Variants in VPS13D observed in about 807,000 individuals in gnomAD.
The protein encoded by VPS13D is intermembrane lipid transfer protein VPS13D.
VPS13D carries 187 observed loss-of-function variants against 461.9 expected under a neutral mutation model. That is an observed-to-expected ratio of 0.40 (90% CI 0.36 to 0.46). The LOEUF is 0.46. Ranked by LOEUF, VPS13D falls within the 20% of genes least tolerant of loss-of-function variation. VPS13D has a pLI of 0.60. For missense variants in VPS13D, 4,711 were observed against 5,364.9 expected (o/e 0.88, Z 3.81); for synonymous variants, 1,951 against 1,986.3 (o/e 0.98, Z 0.47).
At chr1:12,374,862 C>G (rs1271529023) in intron 55 of VPS13D, among the ~76,000 whole-genome samples, 2 of 152,110 alleles carry the variant, frequency 1.3e-5, no homozygotes, top group East Asian at 1.9e-4. Flanking sequence ...CTCAGCCTCC[C>G]GAGTAGCTGG....
chr1:12,321,476 C>T (rs1424848180), intron 32 of VPS13D, among the ~76,000 whole-genome samples: 1 of 152,006 alleles, frequency 6.6e-6, no homozygotes, highest in East Asian at 1.9e-4. Flanking sequence ...CTTGGCTGCT[C>T]TTAATTTTTT....
chr1:12,294,226 ATATTT>A (rs370776216), intron 24 of VPS13D, among the ~76,000 whole-genome samples: 21 of 152,326 alleles, frequency 1.4e-4, no homozygotes, highest in Admixed American at 2.0e-4. Flanking sequence ...GGAAAGAATA[ATATTT>A]TATTTAATTC....
chr1:12,283,845 G>A, intron 21 of VPS13D, 109 bp downstream of exon 21: 1 of 1,170,562 alleles, frequency 8.5e-7, no homozygotes, highest in Non-Finnish European at 1.2e-6. Context: ...TTGTTGGCAG[G>A]GGAGCTATCT....
chr1:12,422,089 A>G lies in VPS13D; in HGVS notation c.12333+5262A>G, dbSNP rs149559996. Reference sequence around the variant, plus strand: ...AGTGATCTGCCCTCCTTGGCCTCCCAAAGTGCTGAGATTACACACTTGAGC... The same window carrying G: ...AGTGATCTGCCCTCCTTGGCCTCCCGAAGTGCTGAGATTACACACTTGAGC... On this transcript the variant is annotated intron_variant, in intron 65 of 69. Coordinates refer to ENST00000620676, the MANE Select transcript of VPS13D (RefSeq NM_015378.4). Among the ~76,000 whole-genome samples the G allele has an allele frequency of 4.5e-4, 69 of 152,292 alleles. No individual in the cohort carries two copies. In the East Asian group the frequency reaches 0.013, roughly 29 times the overall value.
At chr1:12,247,500 C>A (rs549116283) in intron 5 of VPS13D, among the ~76,000 whole-genome samples, 101 of 150,578 alleles carry the variant, frequency 6.7e-4, no homozygotes, top group Non-Finnish European at 4.1e-4. Flanking sequence ...TTAAAAAAAA[C>A]CCAAAAAAAA....
At chr1:12,403,232 C>G (rs1484303541) in intron 62 of VPS13D, among the ~76,000 whole-genome samples, 1 of 152,250 alleles carries the variant, frequency 6.6e-6, no homozygotes, top group African/African-American at 2.4e-5. Context: ...CCATGCTACT[C>G]CTGCTACTCC....
At chr1:12,443,673 A>AT (rs112055394) in intron 65 of VPS13D, among the ~76,000 whole-genome samples, 249 of 146,382 alleles carry the variant, frequency 1.7e-3, no homozygotes, top group African/African-American at 3.3e-3. Context: ...ACAAAACATG[A>AT]TTTTTTTTTT....
chr1:12,284,668 A>G (rs1398571281), intron 21 of VPS13D, among the ~76,000 whole-genome samples: 1 of 152,206 alleles, frequency 6.6e-6, no homozygotes, highest in East Asian at 1.9e-4. Flanking sequence ...TTCTTTATCC[A>G]CATGTCTTAG....
intron 68 of VPS13D, 121 bp from the exon 69 acceptor site, chr1:12,506,732 T>C: frequency 7.5e-7 from 1 of 1,330,936 alleles, no homozygotes; most frequent in South Asian, 1.4e-5. Context: ...TAGAAGTATT[T>C]CCCGGCAAGG....
At chr1:12,472,236 TA>T in intron 67 of VPS13D, among the ~76,000 whole-genome samples, 1 of 152,342 alleles carries the variant, frequency 6.6e-6, no homozygotes, top group East Asian at 1.9e-4. Flanking sequence ...GATGAGGCAC[TA>T]AAAAGCCAAT....
intron 19 of VPS13D, among the ~76,000 whole-genome samples, chr1:12,278,711 G>T (rs1484290929): frequency 6.6e-6 from 1 of 152,182 alleles, no homozygotes; most frequent in South Asian, 2.1e-4. Context: ...CCAAGCTGTC[G>T]ATCCTTCCTA....
chr1:12,345,165 C>A (rs1643647634), intron 42 of VPS13D, among the ~76,000 whole-genome samples: 1 of 152,178 alleles, frequency 6.6e-6, no homozygotes, highest in South Asian at 2.1e-4. Context: ...CTTACTCAGT[C>A]AAGCTTTACA....
chr1:12,244,248 T>C lies in VPS13D; in HGVS notation c.178T>C (p.Phe60Leu). Reference protein sequence around the residue: ...LELPFEVKAGFIGKVTLQIPF... With the variant: ...LELPFEVKAGLIGKVTLQIPF... ...CAAGACTTTCCTTCTCCTTCCAGGC[T>C]TCATTGGGAAAGTAACCCTTCAGAT... Residue 60 changes from phenylalanine to leucine, a missense_variant and splice_region_variant, in exon 4 of 70, where the codon TTC becomes CTC. Transcript: ENST00000620676. The C allele has an allele frequency of 6.2e-7, 1 of 1,609,030 alleles. No homozygotes were observed.
chr1:12,282,426 G>C (rs369404711), intron 20 of VPS13D, among the ~76,000 whole-genome samples: 3 of 152,052 alleles, frequency 2.0e-5, no homozygotes, highest in African/African-American at 7.2e-5. Context: ...CATTTTTGTG[G>C]GGTCAGAAAA....
chr1:12,478,324 A>T (rs1029364104), intron 67 of VPS13D, among the ~76,000 whole-genome samples: 1 of 152,248 alleles, frequency 6.6e-6, no homozygotes, highest in Non-Finnish European at 1.5e-5. Context: ...CATAAATTTA[A>T]CCAGCACGAC....
intron 67 of VPS13D, chr1:12,478,551 C>G (rs1173325406): frequency 5.9e-6 from 2 of 337,956 alleles, no homozygotes; most frequent in East Asian, 1.5e-4. Flanking sequence ...GTTTAACCCT[C>G]TCACACTGCA....
chr1:12,404,120 A>C, intron 63 of VPS13D, 147 bp downstream of exon 63: 1 of 497,198 alleles, frequency 2.0e-6, no homozygotes. Context: ...TTATTTTTAC[A>C]GATTTCCTTT....
chr1:12,375,879 A>G (rs1333708690), intron 55 of VPS13D, among the ~76,000 whole-genome samples: 1 of 151,814 alleles, frequency 6.6e-6, no homozygotes, highest in African/African-American at 2.4e-5. Context: ...CACAAGCCCC[A>G]TGGAGTTCTG....
chr1:12,401,684 G>A lies in VPS13D; in HGVS notation c.11861G>A (p.Gly3954Asp). The A allele has an allele frequency of 6.2e-7, 1 of 1,613,186 alleles. No individual in the cohort carries two copies. The highest frequency in any genetic ancestry group is 1.1e-5 in the South Asian group (1 of 91,034). Residue 3954 changes from glycine (G) to aspartate (D), a missense_variant, in exon 62 of 70, where the codon GGC becomes GAC. By Grantham distance (94) the Gly-to-Asp change is moderately conservative (BLOSUM62 -1). Transcript: ENST00000620676. ...KLLLKLLSFF[G>D]YDQAESEVEK... ...CTCCTCAAGCTGCTAAGTTTCTTTG[G>A]CTACGATCAAGCAGAATCAGGTAAT...
Sources: allele counts gnomAD v4.1 joint callset (sites outside exome capture counted in the v4.1 genomes callset), GRCh38; gene constraint gnomAD v4.1.1; transcripts MANE v1.5; gene names NCBI Gene and HGNC (gene_info 2026-07-23, HGNC 2026-07-21).